Variants in EML4 observed in about 807,000 individuals in gnomAD.
EML4 encodes EMAP like 4, also known as echinoderm microtubule-associated protein-like 4.
Under a neutral mutation model 129.0 loss-of-function variants are expected in EML4, and 72 were observed. That is an observed-to-expected ratio of 0.56 (90% confidence interval 0.46 to 0.68). EML4 has a LOEUF of 0.68. Among genes scored for constraint, EML4 ranks in the 30% least tolerant of loss-of-function variants. The pLI, the probability that EML4 is intolerant of heterozygous loss-of-function variation, is 0.00. For missense variants in EML4, 1,363 were observed against 1,190.6 expected (o/e 1.14, Z -2.13); for synonymous variants, 532 against 405.0 (o/e 1.31, Z -3.77).
At chr2:42,203,304 A>G (rs766546570) in intron 1 of EML4, among the ~76,000 whole-genome samples, 6 of 152,226 alleles carry the variant, frequency 3.9e-5, no homozygotes, top group African/African-American at 7.2e-5. Flanking sequence ...ATGGTCCAGT[A>G]GACGTAGTTT....
intron 1 of EML4, among the ~76,000 whole-genome samples, chr2:42,203,989 T>C (rs1006637804): frequency 6.6e-6 from 1 of 152,104 alleles, no homozygotes; most frequent in Non-Finnish European, 1.5e-5. Context: ...GACACAATCA[T>C]AGTGCACTGC....
At chr2:42,230,984 C>A (rs1043639567) in intron 1 of EML4, among the ~76,000 whole-genome samples, 1 of 152,204 alleles carries the variant, frequency 6.6e-6, no homozygotes, top group Non-Finnish European at 1.5e-5. Flanking sequence ...ATTACTCTTA[C>A]ATTTAAATAA....
chr2:42,315,674 G>A (rs751857914), intron 17 of EML4, among the ~76,000 whole-genome samples: 9 of 152,068 alleles, frequency 5.9e-5, no homozygotes, highest in Non-Finnish European at 1.2e-4. Flanking sequence ...AGGAGTTTAA[G>A]GCCAGCCCAG....
intron 1 of EML4, among the ~76,000 whole-genome samples, chr2:42,242,747 C>G (rs558523653): frequency 1.3e-5 from 2 of 150,590 alleles, no homozygotes; most frequent in East Asian, 3.9e-4. Context: ...CTCGTCTCGT[C>G]TCTTCTTTTT....
chr2:42,221,117 G>A (rs1673563571), intron 1 of EML4, among the ~76,000 whole-genome samples: 2 of 152,092 alleles, frequency 1.3e-5, no homozygotes, highest in Admixed American at 6.5e-5. Context: ...TGATGAAGGT[G>A]GCTGCACTAA....
rs546023749 is a variant in EML4, at chr2:42,280,582, C to A, written c.668-268C>A. Among the ~76,000 whole-genome samples the A allele has an allele frequency of 2.0e-5, 3 of 152,254 alleles. No individual in the cohort carries two copies. The South Asian group carries it at 6.2e-4, about 32-fold the overall frequency. On this transcript the variant is annotated intron_variant, in intron 6 of 22. Transcript: ENST00000318522. ...TATTATGAGTAATCTAGAGATGATT[C>A]AAAATATACAGGTTATATGTGAATA...
intron 13 of EML4, among the ~76,000 whole-genome samples, chr2:42,296,875 G>T (rs562858440): frequency 6.6e-6 from 1 of 152,130 alleles, no homozygotes; most frequent in Non-Finnish European, 1.5e-5. Context: ...ATTATATCCC[G>T]ATAAATCTAT....
intron 6 of EML4, among the ~76,000 whole-genome samples, chr2:42,275,029 C>T (rs1467115161): frequency 1.3e-5 from 2 of 152,182 alleles, no homozygotes; most frequent in South Asian, 4.1e-4. Flanking sequence ...TGTATTGTCA[C>T]CCGGTAACTG....
rs1323518468 is a variant in EML4 at position 42,331,092 on chromosome 2, T to G, written c.*885T>G. ...TTACCTGGCTAATTTCAGCTAAGCC[T>G]TCATCATAATTTGTTCCCTCAGTAA... On this transcript the variant is annotated 3_prime_UTR_variant, in exon 23 of 23. Transcript: ENST00000318522. 9.2e-6 allele frequency: 2 copies of G among 217,972 alleles called. No homozygotes were observed. The highest frequency in any genetic ancestry group is 4.5e-5 in the African/African-American group (2 of 44,504). 13.5% of individuals were successfully genotyped at this position (217,972 alleles called of 1,614,324 possible).
chr2:42,292,326 A>G (rs145460735), intron 11 of EML4, among the ~76,000 whole-genome samples: 1 of 152,364 alleles, frequency 6.6e-6, no homozygotes, highest in African/African-American at 2.4e-5. Context: ...CTAGAAGGCA[A>G]ATAGCAGTGC....
At chr2:42,315,031 G>T (rs1243928776) in intron 17 of EML4, among the ~76,000 whole-genome samples, 1 of 152,198 alleles carries the variant, frequency 6.6e-6, no homozygotes, top group Non-Finnish European at 1.5e-5. Context: ...AGGTCTCAGG[G>T]AGGAGAGTTC....
chr2:42,302,979 A>T (rs1283559276), intron 14 of EML4, 125 bp from the exon 15 acceptor site: 6 of 781,158 alleles, frequency 7.7e-6, no homozygotes, highest in African/African-American at 3.5e-5. Context: ...GTATGAGATT[A>T]CCATATCCAA....
At chr2:42,259,886 C>T (rs1217949830) in intron 3 of EML4, among the ~76,000 whole-genome samples, 3 of 151,892 alleles carry the variant, frequency 2.0e-5, no homozygotes, top group African/African-American at 7.3e-5. Context: ...CCCACCACCA[C>T]ACCCAGCTAA....
chr2:42,290,738 ATTTT>A (rs921353515), intron 11 of EML4, among the ~76,000 whole-genome samples: 9 of 152,074 alleles, frequency 5.9e-5, no homozygotes, highest in Non-Finnish European at 1.3e-4. Flanking sequence ...TCTCAAAAAA[ATTTT>A]TTTTAATTTT....
intron 17 of EML4, among the ~76,000 whole-genome samples, chr2:42,309,021 A>G (rs1036702083): frequency 6.6e-5 from 10 of 152,226 alleles, no homozygotes; most frequent in African/African-American, 2.2e-4. Context: ...TAATGCTGCT[A>G]CATACATTCA....
At chr2:42,220,207 T>G (rs1316586624) in intron 1 of EML4, among the ~76,000 whole-genome samples, 1 of 151,208 alleles carries the variant, frequency 6.6e-6, no homozygotes, top group African/African-American at 2.4e-5. Context: ...TTTATTGTGC[T>G]TCATACTCTT....
intron 1 of EML4, among the ~76,000 whole-genome samples, chr2:42,217,818 T>G (rs1673291672): frequency 1.3e-5 from 2 of 152,232 alleles, no homozygotes; most frequent in Non-Finnish European, 2.9e-5. Flanking sequence ...AAAAATGGTC[T>G]GAATTTGATC....
intron 1 of EML4, among the ~76,000 whole-genome samples, chr2:42,171,781 C>T (rs1670296159): frequency 6.6e-6 from 1 of 152,110 alleles, no homozygotes; most frequent in East Asian, 1.9e-4. Flanking sequence ...GAAGATACTT[C>T]TCAGTGGGAG....
At chr2:42,223,345 A>G (rs1254554422) in intron 1 of EML4, among the ~76,000 whole-genome samples, 1 of 152,150 alleles carries the variant, frequency 6.6e-6, no homozygotes. Flanking sequence ...CTTCCTAGCC[A>G]TTATTTGCTA....
Sources: allele counts gnomAD v4.1 joint callset (sites outside exome capture counted in the v4.1 genomes callset), GRCh38; gene constraint gnomAD v4.1.1; transcripts MANE v1.5; gene names NCBI Gene and HGNC (gene_info 2026-07-23, HGNC 2026-07-21).